The following PLEKHD1 variants were observed in gnomAD, a reference collection of about 807,000 sequenced individuals.
PLEKHD1 encodes the protein pleckstrin homology and coiled-coil domain containing D1.
Under a neutral mutation model 69.2 loss-of-function variants are expected in PLEKHD1, and 51 were observed. The observed-to-expected ratio is 0.74, with a 90% CI of 0.59 to 0.93. The LOEUF (loss-of-function observed/expected upper bound fraction) is 0.93, where lower values mean the gene tolerates loss of function less well. Among genes scored for constraint, PLEKHD1 ranks in the 40% least tolerant of loss-of-function variants. The pLI is 0.00. For synonymous variants in PLEKHD1, 236 were observed against 244.7 expected (o/e 0.96, Z 0.33); for missense variants, 584 against 641.0 (o/e 0.91, Z 0.96).
upstream of PLEKHD1, among the ~76,000 whole-genome samples, chr14:69,481,523 A>G (rs1385178226): frequency 1.3e-5 from 2 of 152,214 alleles, no homozygotes; most frequent in African/African-American, 2.4e-5. Flanking sequence ...TTCACATGAC[A>G]GTGTGCTGCA....
intron 1 of PLEKHD1, among the ~76,000 whole-genome samples, chr14:69,491,141 A>T (rs1269775493): frequency 1.3e-5 from 2 of 152,194 alleles, no homozygotes; most frequent in Non-Finnish European, 2.9e-5. Context: ...TTGATGGATT[A>T]ATTTGCTGAC....
chr14:69,500,355 G>T, intron 2 of PLEKHD1, 147 bp downstream of exon 2: 1 of 760,960 alleles, frequency 1.3e-6, no homozygotes, highest in African/African-American at 1.8e-5. Context: ...AAGACCCCCT[G>T]CCCCTGTCCT....
At chr14:69,478,672 C>CT in the PLEKHD1 span, among the ~76,000 whole-genome samples, 4 of 152,204 alleles carry the variant, frequency 2.6e-5, no homozygotes, top group African/African-American at 9.7e-5. Flanking sequence ...CAAGAGTCAC[C>CT]TTTGCTCCAG....
chr14:69,492,546 T>G (rs1256650972), intron 1 of PLEKHD1, among the ~76,000 whole-genome samples: 2 of 152,222 alleles, frequency 1.3e-5, no homozygotes, highest in African/African-American at 2.4e-5. Context: ...AAGCCTACCC[T>G]GGAGCTTTAC....
At chr14:69,508,000 T>C (rs186499657) in intron 6 of PLEKHD1, among the ~76,000 whole-genome samples, 2 of 152,342 alleles carry the variant, frequency 1.3e-5, no homozygotes, top group Admixed American at 6.5e-5. Flanking sequence ...CTGGCTGATT[T>C]TGGCCACTTT....
the PLEKHD1 span, among the ~76,000 whole-genome samples, chr14:69,469,685 A>T: frequency 6.6e-6 from 1 of 151,874 alleles, no homozygotes; most frequent in African/African-American, 2.4e-5. Flanking sequence ...CACGGAGACG[A>T]CTGGTGTGAA....
the PLEKHD1 span, among the ~76,000 whole-genome samples, chr14:69,473,712 C>T: frequency 2.0e-5 from 3 of 152,224 alleles, no homozygotes; most frequent in Non-Finnish European, 4.4e-5. Context: ...TTGAGGAATC[C>T]CGACAAATTC....
intron 1 of PLEKHD1, among the ~76,000 whole-genome samples, chr14:69,492,136 G>A (rs965981652): frequency 1.3e-5 from 2 of 151,978 alleles, no homozygotes; most frequent in Non-Finnish European, 1.5e-5. Context: ...ACTCCTTACC[G>A]CACCTCCCCT....
chr14:69,507,096 T>C (rs1457649977), intron 6 of PLEKHD1, among the ~76,000 whole-genome samples: 1 of 152,104 alleles, frequency 6.6e-6, no homozygotes, highest in African/African-American at 2.4e-5. Flanking sequence ...TTCACCGTGT[T>C]AGCCAGGATG....
the PLEKHD1 span, among the ~76,000 whole-genome samples, chr14:69,473,508 T>C: frequency 6.6e-6 from 1 of 152,128 alleles, no homozygotes; most frequent in Non-Finnish European, 1.5e-5. Context: ...GGAAATTAAC[T>C]GGGTTCAGGT....
chr14:69,485,589 CT>C (rs1406465003), intron 1 of PLEKHD1, among the ~76,000 whole-genome samples: 1 of 152,148 alleles, frequency 6.6e-6, no homozygotes, highest in African/African-American at 2.4e-5. Flanking sequence ...GGAGAGGGAC[CT>C]GGCCCTTCTG....
intron 1 of PLEKHD1, among the ~76,000 whole-genome samples, chr14:69,492,505 C>T (rs1438969632): frequency 6.6e-6 from 1 of 152,224 alleles, no homozygotes; most frequent in Non-Finnish European, 1.5e-5. Flanking sequence ...TACGATGTTG[C>T]AGAGTACTTC....
chr14:69,478,658 A>G, the PLEKHD1 span, among the ~76,000 whole-genome samples: 3 of 152,190 alleles, frequency 2.0e-5, no homozygotes, highest in African/African-American at 7.2e-5. Flanking sequence ...TTATTAAAAT[A>G]TAACAAGAGT....
At chr14:69,519,107 G>A (rs1324498906) in intron 6 of PLEKHD1, among the ~76,000 whole-genome samples, 1 of 152,068 alleles carries the variant, frequency 6.6e-6, no homozygotes, top group African/African-American at 2.4e-5. Flanking sequence ...TGAGATTTTG[G>A]AGGGGAATTT....
chr14:69,487,808 C>T (rs1882688290), intron 1 of PLEKHD1, among the ~76,000 whole-genome samples: 1 of 152,164 alleles, frequency 6.6e-6, no homozygotes. Flanking sequence ...AGTGCAAAGA[C>T]CTGGGCAGTG....
Position 69,502,880 on chromosome 14 carries a change from G to C in PLEKHD1, c.555+1G>C. ...CTGCCTTCAGAGGGAGCAGAGAGAGGTAGGTGCACACCAAGGGGCTCTCAG... is the reference window on the plus strand; with the variant it reads ...CTGCCTTCAGAGGGAGCAGAGAGAGCTAGGTGCACACCAAGGGGCTCTCAG... On this transcript the variant is annotated splice_donor_variant, in intron 6 of 12. Coordinates refer to ENST00000322564, the MANE Select transcript of PLEKHD1 (RefSeq NM_001161498.2). LOFTEE classifies it high-confidence loss of function. The C allele has an allele frequency of 6.4e-7, 1 of 1,551,684 alleles. No homozygotes were observed. Among genetic ancestry groups the C allele is most frequent in the Non-Finnish European group, 8.7e-7 (1 of 1,146,954 alleles).
intron 6 of PLEKHD1, among the ~76,000 whole-genome samples, chr14:69,512,243 C>A (rs1037578865): frequency 6.6e-6 from 1 of 151,004 alleles, no homozygotes; most frequent in Non-Finnish European, 1.5e-5. Flanking sequence ...AGTTATGTTC[C>A]CTCTTTCATT....
intron 1 of PLEKHD1, 73 bp from the exon 2 acceptor site, chr14:69,500,042 G>A: frequency 1.9e-6 from 2 of 1,061,732 alleles, no homozygotes; most frequent in Non-Finnish European, 2.8e-6. Flanking sequence ...GGCCCCCAAG[G>A]GTGCTCTTGT....
intron 1 of PLEKHD1, among the ~76,000 whole-genome samples, chr14:69,494,255 CACGGTGG>C (rs1431891395): frequency 2.0e-5 from 3 of 152,088 alleles, no homozygotes; most frequent in Admixed American, 2.0e-4. Flanking sequence ...CCTCAAGTTG[CACGGTGG>C]GGACCTACCT....
Sources: allele counts gnomAD v4.1 joint callset (sites outside exome capture counted in the v4.1 genomes callset), GRCh38; gene constraint gnomAD v4.1.1; transcripts MANE v1.5; gene names NCBI Gene and HGNC (gene_info 2026-07-23, HGNC 2026-07-21).